Variants in LDHB observed in about 807,000 individuals in gnomAD.
The protein encoded by LDHB is lactate dehydrogenase B, also known as L-lactate dehydrogenase B chain.
Under a neutral mutation model 33.4 loss-of-function variants are expected in LDHB, and 18 were observed. The observed-to-expected ratio is 0.54, with a 90% CI of 0.37 to 0.80. The LOEUF is 0.80. Ranked by LOEUF, LDHB falls within the 30% of genes least tolerant of loss-of-function variation. The probability of loss-of-function intolerance (pLI) is 0.00; values close to 1 mark genes in which losing one functional copy is unlikely to be tolerated. For synonymous variants in LDHB, 121 were observed against 140.6 expected, an observed-to-expected ratio of 0.86 and a Z score of 0.98; for missense variants, 345 against 407.9, an observed-to-expected ratio of 0.85 and a Z score of 1.33.
intron 2 of LDHB, among the ~76,000 whole-genome samples, chr12:21,650,121 C>T (rs1259537487): frequency 6.9e-6 from 1 of 143,974 alleles, no homozygotes; most frequent in African/African-American, 2.7e-5. Flanking sequence ...CACACACACA[C>T]ACACACACAC....
intron 2 of LDHB, among the ~76,000 whole-genome samples, chr12:21,648,013 A>G (rs977841426): frequency 4.5e-5 from 6 of 133,914 alleles, no homozygotes; most frequent in African/African-American, 1.7e-4. Context: ...AATTTTCTCA[A>G]TATCTACATA....
At chr12:21,638,533 C>T in intron 5 of LDHB, 63 bp from the exon 6 acceptor site, 1 of 1,157,936 alleles carries the variant, frequency 8.6e-7, no homozygotes, top group African/African-American at 1.5e-5. Flanking sequence ...AAAATATTTT[C>T]TTCTTTTAGT....
Position 21,635,539 on chromosome 12 carries a change from T to C in LDHB, c.*3A>G. On this transcript the variant is annotated 3_prime_UTR_variant, in exon 8 of 8. Coordinates refer to ENST00000350669, the MANE Select transcript of LDHB (RefSeq NM_002300.8). ...TAAATTTCTACAGCCTAGAGCTCAC[T>C]AGTCACAGGTCTTTTAGGTCCTTCT... The C allele has an allele frequency of 6.2e-7, 1 of 1,610,502 alleles. No homozygotes were observed. Among genetic ancestry groups the C allele is most frequent in the South Asian group, 1.1e-5 (1 of 90,972 alleles).
chr12:21,635,726 G>T lies in LDHB; in HGVS notation c.838-17C>A, dbSNP rs1199276137. 4 of 1,611,666 alleles carry T rather than the reference G, an allele frequency of 2.5e-6. No individual in the cohort carries two copies. Among genetic ancestry groups the T allele is most frequent in the Admixed American group, 1.7e-5 (1 of 59,950 alleles). ...ATACATCCCCTGCCAGAACAACAAAGCATCGAGATTAAGACATGAAACTGT... is the reference window on the plus strand; with the variant it reads ...ATACATCCCCTGCCAGAACAACAAATCATCGAGATTAAGACATGAAACTGT... On this transcript the variant is annotated splice_polypyrimidine_tract_variant and intron_variant, in intron 7 of 7. Transcript: ENST00000350669.
chr12:21,639,144 A>G (rs1250981745), intron 5 of LDHB, among the ~76,000 whole-genome samples: 1 of 151,950 alleles, frequency 6.6e-6, no homozygotes, highest in African/African-American at 2.4e-5. Flanking sequence ...AAGCCAAATA[A>G]GATCCCCTAT....
intron 2 of LDHB, 68 bp from the exon 3 acceptor site, chr12:21,647,084 CAAAG>C: frequency 2.3e-6 from 2 of 873,230 alleles, no homozygotes. Flanking sequence ...CAATCTAACC[CAAAG>C]AAAGATCTTT....
chr12:21,645,296 G>A lies in LDHB; in HGVS notation c.248-1188C>T, dbSNP rs150815435. Among the ~76,000 whole-genome samples the A allele has an allele frequency of 7.9e-3, 1,198 of 152,246 alleles. 21 individuals carry two copies. The highest frequency in any genetic ancestry group is 0.026 in the African/African-American group (1,074 of 41,546). On this transcript the variant is annotated intron_variant, in intron 3 of 7. Transcript: ENST00000350669. The stretch of plus-strand genomic sequence containing the variant: ...GGTATTGTCCAAGGTTTCTCCCCAC[G>A]TGATAGTCTGAAATATGGCCTCGTG...
chr12:21,656,532 C>CCCTGTGTATA (rs1476159693), intron 1 of LDHB, among the ~76,000 whole-genome samples: 6 of 152,172 alleles, frequency 3.9e-5, no homozygotes, highest in African/African-American at 1.4e-4. Flanking sequence ...ATACAGGGGG[C>CCCTGTGTATA]CCAGGAAGCA....
At chr12:21,641,803 A>G (rs999692605) in intron 5 of LDHB, 149 bp downstream of exon 5, 9 of 661,270 alleles carry the variant, frequency 1.4e-5, no homozygotes, top group Admixed American at 2.8e-5. Flanking sequence ...ATGATAAAGC[A>G]AAATGGAATA....
rs1403492932 is a variant in LDHB at position 21,641,548 on chromosome 12, A to C, written c.595+404T>G. ...TAGAATGGATTCTGAATTAGGAAAA[A>C]AGCTTTAGAGGACACTATTGAGACA... On this transcript the variant is annotated intron_variant, in intron 5 of 7. Transcript: ENST00000350669. Among the ~76,000 whole-genome samples, 4 of 152,308 alleles carry C rather than the reference A, an allele frequency of 2.6e-5. No individual in the cohort carries two copies. The South Asian group carries it at 6.2e-4, about 24-fold the overall frequency.
intron 3 of LDHB, 71 bp from the exon 4 acceptor site, chr12:21,644,179 C>T: frequency 9.1e-7 from 1 of 1,100,092 alleles, no homozygotes; most frequent in Non-Finnish European, 1.4e-6. Flanking sequence ...ATATGACATG[C>T]TCTAAAAGCC....
rs904425780 is a variant in LDHB at position 21,649,786 on chromosome 12, G to T, written c.130-2770C>A. 2.6e-5 allele frequency among the ~76,000 whole-genome samples: 4 copies of T among 152,124 alleles called. No individual in the cohort carries two copies. The East Asian group carries it at 5.8e-4, about 22-fold the overall frequency. Reference sequence around the variant, plus strand: ...ACCACCAGTGCCTTAATATTTGATGGTTTCATTTTTATATCCAAGTGTTGG... The same window carrying T: ...ACCACCAGTGCCTTAATATTTGATGTTTTCATTTTTATATCCAAGTGTTGG... On this transcript the variant is annotated intron_variant, in intron 2 of 7. Coordinates refer to ENST00000350669, the MANE Select transcript of LDHB (RefSeq NM_002300.8).
chr12:21,649,832 G>GTA (rs1938632714), intron 2 of LDHB, among the ~76,000 whole-genome samples: 3 of 151,950 alleles, frequency 2.0e-5, no homozygotes, highest in African/African-American at 2.4e-5. Context: ...TGGCTCATGC[G>GTA]TGTAATCCCA....
intron 6 of LDHB, 144 bp from the exon 7 acceptor site, chr12:21,637,338 G>A (rs901759947): frequency 3.5e-5 from 23 of 651,058 alleles, no homozygotes; most frequent in Non-Finnish European, 6.0e-5. Context: ...CTTTTTGAGT[G>A]TTAAATGAAT....
intron 4 of LDHB, among the ~76,000 whole-genome samples, chr12:21,642,577 A>ATG (rs139008999): frequency 0.018 from 2,739 of 152,308 alleles, 75 homozygotes; most frequent in African/African-American, 0.062. Context: ...TTTTCTGGGC[A>ATG]TGAGGTATTC....
chr12:21,638,713 T>G (rs937274919), intron 5 of LDHB, among the ~76,000 whole-genome samples: 1 of 151,984 alleles, frequency 6.6e-6, no homozygotes, highest in African/African-American at 2.4e-5. Flanking sequence ...AGAATTGCTG[T>G]GTCATAGTTA....
intron 2 of LDHB, among the ~76,000 whole-genome samples, chr12:21,650,103 A>AAAAT (rs5796919): frequency 1.8e-4 from 25 of 137,056 alleles, no homozygotes; most frequent in East Asian, 1.2e-3. Flanking sequence ...AGAGAAAAAA[A>AAAAT]ATACACACAC....
intron 2 of LDHB, among the ~76,000 whole-genome samples, chr12:21,651,331 G>A (rs895789983): frequency 4.6e-5 from 7 of 152,192 alleles, no homozygotes; most frequent in Non-Finnish European, 8.8e-5. Context: ...AAGTAGCGGA[G>A]CCACTAGTTT....
At chr12:21,638,534 T>C in intron 5 of LDHB, 64 bp from the exon 6 acceptor site, 1 of 1,146,978 alleles carries the variant, frequency 8.7e-7, no homozygotes, top group Non-Finnish European at 1.3e-6. Flanking sequence ...AAATATTTTC[T>C]TCTTTTAGTG....
Sources: gnomAD v4.1 joint callset for allele counts (sites outside exome capture counted in the v4.1 genomes callset) on GRCh38, gnomAD v4.1.1 for gene constraint, MANE v1.5 for transcripts, NCBI Gene and HGNC (gene_info 2026-07-23, HGNC 2026-07-21) for gene names.